The following HNRNPF variants were observed in gnomAD, a reference collection of about 807,000 sequenced individuals.
HNRNPF encodes heterogeneous nuclear ribonucleoprotein F, also known as HnRNP F protein.
Under a neutral mutation model 26.0 loss-of-function variants are expected in HNRNPF, and 2 were observed. The observed-to-expected ratio is 0.08, with a 90% CI of 0.03 to 0.24. The LOEUF is 0.24. HNRNPF is among the 10% of genes least tolerant of loss of function. The pLI is 1.00. For synonymous variants in HNRNPF, 234 were observed against 211.5 expected, an observed-to-expected ratio of 1.11 and a Z score of -0.92; for missense variants, 299 against 539.2, an observed-to-expected ratio of 0.55 and a Z score of 4.41.
intron 1 of HNRNPF, among the ~76,000 whole-genome samples, chr10:43,397,511 GC>G (rs1428734819): frequency 6.6e-6 from 1 of 152,220 alleles, no homozygotes; most frequent in Non-Finnish European, 1.5e-5. Flanking sequence ...GGAAGGGCGG[GC>G]AGTGCAGAGT....
At chr10:43,396,917 AGGG>A (rs1838557790) in intron 1 of HNRNPF, 4 of 5,740 alleles carry the variant, frequency 7.0e-4, no homozygotes, top group Admixed American at 6.5e-3. Context: ...AGGGGAGGGG[AGGG>A]GGCCCCTGGC....
At chr10:43,400,361 C>T (rs187279866) in intron 1 of HNRNPF, among the ~76,000 whole-genome samples, 4 of 152,104 alleles carry the variant, frequency 2.6e-5, no homozygotes, top group Non-Finnish European at 4.4e-5. Context: ...ATTCTTATTT[C>T]GTGGTGAATC....
chr10:43,395,617 T>A (rs561707919), intron 2 of HNRNPF, among the ~76,000 whole-genome samples: 1 of 152,354 alleles, frequency 6.6e-6, no homozygotes, highest in African/African-American at 2.4e-5. Context: ...GCATTACATT[T>A]ATTAGGAAAC....
intron 1 of HNRNPF, among the ~76,000 whole-genome samples, chr10:43,407,139 G>A (rs899719723): frequency 1.3e-5 from 2 of 151,934 alleles, no homozygotes; most frequent in South Asian, 2.1e-4. Flanking sequence ...GGGACGGAAC[G>A]ACTGAAAACT....
At chr10:43,405,282 T>C (rs894077096) in intron 1 of HNRNPF, among the ~76,000 whole-genome samples, 14 of 152,238 alleles carry the variant, frequency 9.2e-5, no homozygotes, top group Non-Finnish European at 1.2e-4. Context: ...TATTGGACAG[T>C]GCTGCTCTGA....
chr10:43,387,136 C>T lies in HNRNPF; in HGVS notation c.749G>A (p.Ser250Asn). 1.9e-6 allele frequency: 3 copies of T among 1,614,020 alleles called. No homozygotes were observed. The highest frequency in any genetic ancestry group is 8.5e-7 in the Non-Finnish European group (1 of 1,180,038). ...YGGYEEYSGLSDGYGFTTDLF... is the reference protein window; with the variant it reads ...YGGYEEYSGLNDGYGFTTDLF... ...GTCGGTGGTGAAGCCGTAGCCATCA[C>T]TGAGGCCACTGTACTCCTCGTAGCC... Residue 250 changes from serine (S) to asparagine (N), a missense_variant, in exon 4 of 4, where the codon AGT becomes AAT. Physicochemically the swap from Ser to Asn is conservative, Grantham distance 46 (BLOSUM62 1). Around this residue, in one of 6 missense-constraint regions of HNRNPF, gnomAD observed 74 missense variants for 77.7 expected, o/e 0.95. Coordinates refer to ENST00000682386, the MANE Select transcript of HNRNPF (RefSeq NM_001098204.2). This position sits in a 1 kb window ranked among gnomAD's most constrained non-coding sequence, Gnocchi z 6.0.
intron 1 of HNRNPF, chr10:43,407,873 C>G (rs1034072392): frequency 1.3e-5 from 2 of 152,224 alleles, no homozygotes; most frequent in Non-Finnish European, 2.9e-5. Flanking sequence ...GTGCAACTCT[C>G]AGGCGCCTGC....
At chr10:43,398,051 C>T (rs1324758491) in intron 1 of HNRNPF, among the ~76,000 whole-genome samples, 1 of 152,124 alleles carries the variant, frequency 6.6e-6, no homozygotes, top group African/African-American at 2.4e-5. Flanking sequence ...TTTTGAGACA[C>T]AGTTTTCACT....
intron 3 of HNRNPF, among the ~76,000 whole-genome samples, chr10:43,389,883 T>C (rs1380601398): frequency 6.6e-6 from 1 of 152,208 alleles, no homozygotes; most frequent in Non-Finnish European, 1.5e-5. Flanking sequence ...ATTGCCCACC[T>C]CAAATTATTG....
chr10:43,396,185 G>A (rs537140014), intron 2 of HNRNPF, among the ~76,000 whole-genome samples: 23 of 152,350 alleles, frequency 1.5e-4, no homozygotes, highest in Admixed American at 1.3e-3. Flanking sequence ...TAAATAGGGC[G>A]CGCCGGAGTC....
At chr10:43,406,239 C>A (rs1838914278) in intron 1 of HNRNPF, among the ~76,000 whole-genome samples, 1 of 152,194 alleles carries the variant, frequency 6.6e-6, no homozygotes, top group South Asian at 2.1e-4. Context: ...CCCCTGCAGG[C>A]ATCTACCCCC....
chr10:43,397,163 G>A (rs1379748219), intron 1 of HNRNPF: 2 of 151,986 alleles, frequency 1.3e-5, no homozygotes, highest in Non-Finnish European at 2.9e-5. Context: ...GGCGGGGCCG[G>A]GGCGCCCGCG....
intron 1 of HNRNPF, among the ~76,000 whole-genome samples, chr10:43,408,354 G>A (rs926228676): frequency 7.6e-4 from 116 of 152,248 alleles, no homozygotes; most frequent in African/African-American, 2.4e-3. Context: ...TGCGGCTCTC[G>A]ACCTCCGACG....
At position 43,387,939 on chromosome 10, in the gene HNRNPF, G is replaced by GA; in HGVS notation, c.-52-4_-52-3insT. Reference sequence around the variant, plus strand: ...TCTTGGGTGTGGCTTTTTTGTGGCTGGAAAAAAAAAAAAGAAAAATTTATT... The same window carrying GA: ...TCTTGGGTGTGGCTTTTTTGTGGCTGAGAAAAAAAAAAAAGAAAAATTTATT... On this transcript the variant is annotated splice_polypyrimidine_tract_variant and splice_region_variant and intron_variant, in intron 3 of 3. Transcript: ENST00000682386. The surrounding 1 kb of genome is among the most constrained non-coding windows in gnomAD (Gnocchi z 6.0). The GA allele has an allele frequency of 4.3e-6, 6 of 1,406,320 alleles. No homozygotes were observed. Among genetic ancestry groups the GA allele is most frequent in the Non-Finnish European group, 4.8e-6 (5 of 1,045,540 alleles). The allele number at this position is 1,406,320 out of a possible 1,614,324, so 87.1% of individuals were successfully genotyped here.
Position 43,386,636 on chromosome 10 carries a change from A to G in HNRNPF, c.*1T>C, listed in dbSNP as rs752284116. 106 of 1,539,392 alleles carry G rather than the reference A, an allele frequency of 6.9e-5. No homozygotes were observed. The highest frequency in any genetic ancestry group is 8.8e-5 in the Non-Finnish European group (101 of 1,147,798). On this transcript the variant is annotated 3_prime_UTR_variant, in exon 4 of 4. Coordinates refer to ENST00000682386, the MANE Select transcript of HNRNPF (RefSeq NM_001098204.2). ...AAGTAACTCAAATGTTCCTAACAAA[A>G]CTAGTCATAGCCACCCATGCTGTTC... is the stretch of plus-strand genomic sequence containing the variant.
chr10:43,398,080 T>C (rs1247274514), intron 1 of HNRNPF, among the ~76,000 whole-genome samples: 1 of 152,218 alleles, frequency 6.6e-6, no homozygotes, highest in Non-Finnish European at 1.5e-5. Context: ...CAGGCTGGAG[T>C]GCAGTGGCAT....
Position 43,392,163 on chromosome 10 carries a change from G to C in HNRNPF, c.-53+2467C>G, listed in dbSNP as rs185298190. 1.6e-3 allele frequency among the ~76,000 whole-genome samples: 237 copies of C among 152,262 alleles called. 1 individual carries two copies. The highest frequency in any genetic ancestry group is 5.4e-3 in the African/African-American group (225 of 41,532). On this transcript the variant is annotated intron_variant, in intron 3 of 3. Coordinates refer to ENST00000682386, the MANE Select transcript of HNRNPF (RefSeq NM_001098204.2). Reference sequence around the variant, plus strand: ...TCACGCCTGTAATCCCAGCACTTTGGGTGGCCAAGGCAGGCAGATCATTTG... The same window carrying C: ...TCACGCCTGTAATCCCAGCACTTTGCGTGGCCAAGGCAGGCAGATCATTTG...
At chr10:43,388,283 A>C (rs577799733) in intron 3 of HNRNPF, among the ~76,000 whole-genome samples, 1 of 152,234 alleles carries the variant, frequency 6.6e-6, no homozygotes, top group East Asian at 1.9e-4. Flanking sequence ...TGTTCCTCCT[A>C]AACTATACGC....
At chr10:43,407,252 C>T (rs1178876929) in intron 1 of HNRNPF, among the ~76,000 whole-genome samples, 2 of 151,362 alleles carry the variant, frequency 1.3e-5, no homozygotes, top group African/African-American at 2.4e-5. Flanking sequence ...CGTTGCCCTT[C>T]GCGCGCAGCC....
Sources: allele counts gnomAD v4.1 joint callset (sites outside exome capture counted in the v4.1 genomes callset), GRCh38; gene constraint gnomAD v4.1.1; regional missense constraint gnomAD v4.1.1; non-coding constraint Gnocchi (gnomAD v3.1); transcripts MANE v1.5; gene names NCBI Gene and HGNC (gene_info 2026-07-23, HGNC 2026-07-21).